PDE4D: variants seen among roughly 807,000 people sequenced by gnomAD.
The protein encoded by PDE4D is phosphodiesterase 4D.
In PDE4D, 24 loss-of-function variants were observed where a neutral mutation model predicts 87.4. That is an observed-to-expected ratio of 0.27 (90% CI 0.20 to 0.39). The LOEUF is 0.39. Among genes scored for constraint, PDE4D ranks in the 10% least tolerant of loss-of-function variants. The probability of loss-of-function intolerance (pLI) is 1.00; values close to 1 mark genes in which losing one functional copy is unlikely to be tolerated. For synonymous variants in PDE4D, 384 were observed against 383.2 expected (o/e 1.00, Z -0.02); for missense variants, 714 against 1,041.0 (o/e 0.69, Z 4.32).
chr5:59,078,033 T>C (rs1278269004), intron 5 of PDE4D, among the ~76,000 whole-genome samples: 1 of 152,204 alleles, frequency 6.6e-6, no homozygotes, highest in African/African-American at 2.4e-5. Context: ...CAGAAACAAC[T>C]GATTCCATCC....
intron 1 of PDE4D, among the ~76,000 whole-genome samples, chr5:59,579,564 T>C (rs1823728630): frequency 6.6e-6 from 1 of 152,232 alleles, no homozygotes; most frequent in South Asian, 2.1e-4. Context: ...CTTTTATTTT[T>C]GGCAAAGCAT....
intron 1 of PDE4D, among the ~76,000 whole-genome samples, chr5:59,493,739 A>T (rs1242593993): frequency 6.6e-6 from 1 of 152,240 alleles, no homozygotes; most frequent in Non-Finnish European, 1.5e-5. Context: ...ATGAATAACG[A>T]GAGAGATGTG....
intron 1 of PDE4D, among the ~76,000 whole-genome samples, chr5:59,699,688 A>T (rs116726638): frequency 6.6e-6 from 1 of 152,296 alleles, no homozygotes; most frequent in Non-Finnish European, 1.5e-5. Flanking sequence ...AGATCAATGG[A>T]ACCTTTGTTT....
chr5:59,124,475 C>T (rs945765142), intron 5 of PDE4D, among the ~76,000 whole-genome samples: 3 of 152,286 alleles, frequency 2.0e-5, no homozygotes, highest in South Asian at 2.1e-4. Context: ...CACTGCATTT[C>T]GCCCTGATAA....
At chr5:58,993,976 A>C (rs781710578) in intron 6 of PDE4D, among the ~76,000 whole-genome samples, 55 of 152,202 alleles carry the variant, frequency 3.6e-4, no homozygotes, top group Non-Finnish European at 4.6e-4. Flanking sequence ...TCATTAGCAG[A>C]AATGAATATA....
intron 1 of PDE4D, among the ~76,000 whole-genome samples, chr5:60,305,947 G>A (rs1397255492): frequency 6.6e-6 from 1 of 151,978 alleles, no homozygotes. Context: ...GGTCCATAAA[G>A]CATATGAGTA....
chr5:60,068,603 C>G (rs950097595), intron 2 of PDE4D, among the ~76,000 whole-genome samples: 1 of 151,512 alleles, frequency 6.6e-6, no homozygotes, highest in Non-Finnish European at 1.5e-5. Flanking sequence ...ATTATTATTA[C>G]TATTATTTGC....
intron 1 of PDE4D, among the ~76,000 whole-genome samples, chr5:59,319,378 A>G (rs772820772): frequency 1.3e-5 from 2 of 152,134 alleles, no homozygotes; most frequent in Admixed American, 6.6e-5. Flanking sequence ...GGAATCCATC[A>G]TGCATGAAAA....
chr5:59,955,536 C>T (rs920689981), intron 3 of PDE4D, among the ~76,000 whole-genome samples: 2 of 152,134 alleles, frequency 1.3e-5, no homozygotes, highest in Non-Finnish European at 2.9e-5. Flanking sequence ...TTCCAGCTTT[C>T]GGGACACTGC....
intron 1 of PDE4D, among the ~76,000 whole-genome samples, chr5:59,891,968 A>T (rs112802286): frequency 0.015 from 2,334 of 152,240 alleles, 53 homozygotes; most frequent in African/African-American, 0.052. Context: ...TGTGGCTTGG[A>T]GGTGCAGTAC....
chr5:60,423,510 C>T (rs915979757), intron 1 of PDE4D, among the ~76,000 whole-genome samples: 2 of 151,950 alleles, frequency 1.3e-5, no homozygotes, highest in African/African-American at 4.8e-5. Context: ...AACAAAGACA[C>T]AACATACCAG....
intron 1 of PDE4D, among the ~76,000 whole-genome samples, chr5:59,817,281 A>G (rs1769082917): frequency 6.6e-6 from 1 of 152,126 alleles, no homozygotes; most frequent in African/African-American, 2.4e-5. Context: ...GAGAAGAGGG[A>G]GCTCTGTATT....
At chr5:60,422,593 C>A (rs1185139154) in intron 1 of PDE4D, among the ~76,000 whole-genome samples, 1 of 152,128 alleles carries the variant, frequency 6.6e-6, no homozygotes, top group Non-Finnish European at 1.5e-5. Flanking sequence ...CAAAAACATG[C>A]CAAATTGTAA....
rs529328847 is a variant in PDE4D, at chr5:60,044,343, C to T, written c.43-55626G>A. ...ATCCTGTTTCTTAACATCTTTGACACTTCATTTATACTCTAGTTTTTCCTT... is the reference window on the plus strand; with the variant it reads ...ATCCTGTTTCTTAACATCTTTGACATTTCATTTATACTCTAGTTTTTCCTT... On this transcript the variant is annotated intron_variant, in intron 2 of 16. Coordinates refer to the PDE4D transcript ENST00000502484. 3.4e-5 allele frequency among the ~76,000 whole-genome samples: 5 copies of T among 148,466 alleles called. No homozygotes were observed. In the South Asian group the frequency reaches 1.1e-3, roughly 32 times the overall value.
chr5:60,492,124 TAAAAAA>T (rs776940230), upstream of PDE4D, among the ~76,000 whole-genome samples: 3 of 130,456 alleles, frequency 2.3e-5, no homozygotes, highest in African/African-American at 5.5e-5. Context: ...AAAGTATAAT[TAAAAAA>T]AAAAAAAAAA....
intron 2 of PDE4D, among the ~76,000 whole-genome samples, chr5:59,199,927 G>A (rs1283448490): frequency 6.6e-6 from 1 of 151,096 alleles, no homozygotes; most frequent in Non-Finnish European, 1.5e-5. Flanking sequence ...TATACACACA[G>A]GCACATATAT....
chr5:59,697,752 T>A (rs948033327), intron 1 of PDE4D, among the ~76,000 whole-genome samples: 1 of 152,196 alleles, frequency 6.6e-6, no homozygotes, highest in Non-Finnish European at 1.5e-5. Flanking sequence ...GAGTTGTTAT[T>A]ATGTACTTGC....
rs1043512640 is a variant in PDE4D at position 60,088,526 on chromosome 5, G to A, written c.42+97031C>T. 4.6e-5 allele frequency among the ~76,000 whole-genome samples: 7 copies of A among 151,892 alleles called. No homozygotes were observed. In the East Asian group the frequency reaches 1.2e-3, roughly 25 times the overall value. The stretch of plus-strand genomic sequence containing the variant: ...CAGCAATAAGTCAAAATGTGGGAGG[G>A]GGTGGTATTACAATGTAGAGTTTAT... On this transcript the variant is annotated intron_variant, in intron 2 of 16. Transcript: ENST00000502484.
At chr5:59,871,342 G>C (rs190692048) in intron 1 of PDE4D, among the ~76,000 whole-genome samples, 1 of 152,182 alleles carries the variant, frequency 6.6e-6, no homozygotes, top group Non-Finnish European at 1.5e-5. Context: ...ACCTGATATG[G>C]AAAAAGGAGC....
Sources: gnomAD v4.1 joint callset for allele counts (sites outside exome capture counted in the v4.1 genomes callset) on GRCh38, gnomAD v4.1.1 for gene constraint, MANE v1.5 for transcripts, NCBI Gene and HGNC (gene_info 2026-07-23, HGNC 2026-07-21) for gene names.